The following SPMIP4 variants were observed in gnomAD, a reference collection of about 807,000 sequenced individuals.
SPMIP4 encodes sperm-associated microtubule inner protein 4.
chr7:25,168,259 C>T, the SPMIP4 span: 1 of 1,578,200 alleles, frequency 6.3e-7, no homozygotes, highest in Non-Finnish European at 8.5e-7. Flanking sequence ...TAATAAAGAC[C>T]TTTCTGTGAA....
the SPMIP4 span, among the ~76,000 whole-genome samples, chr7:25,157,543 T>C: frequency 6.6e-6 from 1 of 152,266 alleles, no homozygotes; most frequent in Admixed American, 6.5e-5. Flanking sequence ...CAGAACTTTA[T>C]CTCTGTGGTC....
the SPMIP4 span, chr7:25,154,883 C>G: frequency 1.2e-6 from 1 of 864,972 alleles, no homozygotes; most frequent in South Asian, 1.8e-5. Context: ...CAGCTGTGAA[C>G]AAGTTTCCTG....
the SPMIP4 span, among the ~76,000 whole-genome samples, chr7:25,152,102 T>C: frequency 6.6e-6 from 1 of 151,846 alleles, no homozygotes; most frequent in Non-Finnish European, 1.5e-5. Context: ...TTCACCTTTC[T>C]TCTTAATGAG....
chr7:25,163,981 C>A, the SPMIP4 span, among the ~76,000 whole-genome samples: 5 of 152,164 alleles, frequency 3.3e-5, no homozygotes, highest in Non-Finnish European at 5.9e-5. This position sits in a 1 kb window ranked among gnomAD's most constrained non-coding sequence, Gnocchi z 4.4. Context: ...AAATGATTCA[C>A]CGTATTGATA....
chr7:25,129,691 G>T, the SPMIP4 span, among the ~76,000 whole-genome samples: 1 of 151,884 alleles, frequency 6.6e-6, no homozygotes, highest in South Asian at 2.1e-4. Flanking sequence ...ATTCCTGGAG[G>T]CTTCCATTTG....
chr7:25,165,344 A>G, the SPMIP4 span, among the ~76,000 whole-genome samples: 13 of 152,190 alleles, frequency 8.5e-5, no homozygotes, highest in Non-Finnish European at 1.6e-4. Context: ...ATTACAACTG[A>G]ACTAGACAGG....
At chr7:25,141,957 C>T in the SPMIP4 span, among the ~76,000 whole-genome samples, 16 of 152,228 alleles carry the variant, frequency 1.1e-4, no homozygotes, top group Admixed American at 2.0e-4. Context: ...AGGCTGGTCT[C>T]GAACTCCTGA....
the SPMIP4 span, among the ~76,000 whole-genome samples, chr7:25,160,496 G>A: frequency 6.6e-6 from 1 of 151,982 alleles, no homozygotes; most frequent in Non-Finnish European, 1.5e-5. Flanking sequence ...ACAGGGTTTC[G>A]CCATGTTGGC....
chr7:25,172,986 G>A, the SPMIP4 span, among the ~76,000 whole-genome samples: 11 of 151,126 alleles, frequency 7.3e-5, no homozygotes, highest in Admixed American at 7.3e-4. This position sits in a 1 kb window ranked among gnomAD's most constrained non-coding sequence, Gnocchi z 4.2. Context: ...GGGGGTGGTG[G>A]GGTGAAGGGT....
the SPMIP4 span, among the ~76,000 whole-genome samples, chr7:25,143,304 A>G: frequency 6.6e-6 from 1 of 152,204 alleles, no homozygotes; most frequent in Non-Finnish European, 1.5e-5. Flanking sequence ...TTTATTTTAT[A>G]TTTTCAAAAG....
At chr7:25,127,357 G>A in the SPMIP4 span, among the ~76,000 whole-genome samples, 3 of 152,026 alleles carry the variant, frequency 2.0e-5, no homozygotes, top group Non-Finnish European at 4.4e-5. Flanking sequence ...AGATCTTATA[G>A]GTGTACCTCA....
chr7:25,151,498 TG>T, the SPMIP4 span: 1 of 733,708 alleles, frequency 1.4e-6, no homozygotes, highest in Non-Finnish European at 2.3e-6. Context: ...GCTGGGATTA[TG>T]GGCATGTGCC....
chr7:25,161,044 G>C, the SPMIP4 span: 1 of 520,740 alleles, frequency 1.9e-6, no homozygotes, highest in South Asian at 3.1e-5. Context: ...GTTTGGTCTT[G>C]GTTTCTGGCA....
At chr7:25,160,729 C>T in the SPMIP4 span, among the ~76,000 whole-genome samples, 1 of 152,018 alleles carries the variant, frequency 6.6e-6, no homozygotes, top group Non-Finnish European at 1.5e-5. Context: ...ACAAGTATGC[C>T]TTACGTTAAA....
At chr7:25,125,805 G>A in the SPMIP4 span, 1 of 580,644 alleles carries the variant, frequency 1.7e-6, no homozygotes, top group South Asian at 7.5e-5. Flanking sequence ...CAGCATCCTA[G>A]AGGGACAGCC....
At chr7:25,157,775 G>A in the SPMIP4 span, among the ~76,000 whole-genome samples, 1 of 152,142 alleles carries the variant, frequency 6.6e-6, no homozygotes, top group Non-Finnish European at 1.5e-5. Context: ...GACAGAAGAA[G>A]GACATGAAGG....
chr7:25,153,347 T>C, the SPMIP4 span, among the ~76,000 whole-genome samples: 1 of 151,936 alleles, frequency 6.6e-6, no homozygotes, highest in African/African-American at 2.4e-5. Flanking sequence ...GCAGATCACT[T>C]GACGTCAGGA....
the SPMIP4 span, chr7:25,142,743 A>G: frequency 6.2e-7 from 1 of 1,603,762 alleles, no homozygotes; most frequent in East Asian, 2.2e-5. Flanking sequence ...AATTTAAAGA[A>G]GTGTTAGGAG....
the SPMIP4 span, among the ~76,000 whole-genome samples, chr7:25,139,788 G>T: frequency 4.6e-5 from 7 of 152,218 alleles, no homozygotes; most frequent in Admixed American, 4.6e-4. Context: ...GCAAGAAGCA[G>T]TTTTTAGTGC....
Sources: allele counts gnomAD v4.1 joint callset (sites outside exome capture counted in the v4.1 genomes callset), GRCh38; gene constraint gnomAD v4.1.1; non-coding constraint Gnocchi (gnomAD v3.1); transcripts MANE v1.5; gene names NCBI Gene and HGNC (gene_info 2026-07-23, HGNC 2026-07-21).